DIP2C: variants seen among roughly 807,000 people sequenced by gnomAD.
DIP2C encodes the protein DIP2 acetate--CoA ligase C (putative).
In DIP2C, 33 loss-of-function variants were observed where a neutral mutation model predicts 192.4. The ratio of observed to expected loss-of-function variants is 0.17; its 90% confidence interval spans 0.13 to 0.23. The LOEUF is 0.23. DIP2C is among the 10% of genes least tolerant of loss of function. The pLI is 1.00. For synonymous variants in DIP2C, 979 were observed against 864.1 expected, an observed-to-expected ratio of 1.13 and a Z score of -2.33; for missense variants, 1,537 against 2,110.1, an observed-to-expected ratio of 0.73 and a Z score of 5.32.
intron 7 of DIP2C, 131 bp from the exon 8 acceptor site, chr10:414,241 C>T: frequency 8.6e-7 from 1 of 1,156,352 alleles, no homozygotes; most frequent in Non-Finnish European, 1.2e-6. Context: ...GAAAAGCATG[C>T]TTTTCTAGAA....
chr10:275,222 A>G lies in DIP2C; in HGVS notation c.*2103T>C, dbSNP rs1954452754. The G allele has an allele frequency of 6.6e-6, 1 of 152,244 alleles. No individual in the cohort carries two copies. The highest frequency in any genetic ancestry group is 1.5e-5 in the Non-Finnish European group (1 of 68,054). 9.4% of individuals were successfully genotyped at this position (152,244 alleles called of 1,614,324 possible). On this transcript the variant is annotated 3_prime_UTR_variant, in exon 37 of 37. Coordinates refer to ENST00000280886, the MANE Select transcript of DIP2C (RefSeq NM_014974.3). ...ACACTGCAGCTAATGTTTCATAGTCAGTGCCTGGCCTGAAGCCCCAAACCT... is the reference window on the plus strand; with the variant it reads ...ACACTGCAGCTAATGTTTCATAGTCGGTGCCTGGCCTGAAGCCCCAAACCT...
In DIP2C at chr10:283,426, G is replaced by C; in HGVS notation, c.4140C>G (p.His1380Gln). The C allele has an allele frequency of 6.2e-7, 1 of 1,614,198 alleles. No individual in the cohort carries two copies. Among genetic ancestry groups the C allele is most frequent in the Non-Finnish European group, 8.5e-7 (1 of 1,180,036 alleles). The change falls in exon 35 of 37, where the codon CAC becomes CAG. Residue 1380 changes from histidine to glutamine, a missense_variant. His to Gln is a conservative substitution (Grantham distance 24, BLOSUM62 0). Around this residue, in one of 4 missense-constraint regions of DIP2C, gnomAD observed 341 missense variants for 551.7 expected, o/e 0.62. Transcript: ENST00000280886. Reference sequence around the variant, plus strand: ...AAATAGTGAAATAACCGCTGGCATTGTGGGCACTGTGAACCCAAATCTGCA... The same window carrying C: ...AAATAGTGAAATAACCGCTGGCATTCTGGGCACTGTGAACCCAAATCTGCA... ...HLGEIWVHSA[H>Q]NASGYFTIYG...
intron 9 of DIP2C, among the ~76,000 whole-genome samples, chr10:407,990 G>A (rs1157381877): frequency 6.6e-6 from 1 of 152,122 alleles, no homozygotes; most frequent in Non-Finnish European, 1.5e-5. Context: ...CCAAGAAACT[G>A]TTGCCAAATC....
At chr10:680,647 A>C (rs1015591113) in intron 1 of DIP2C, among the ~76,000 whole-genome samples, 1 of 152,216 alleles carries the variant, frequency 6.6e-6, no homozygotes, top group Non-Finnish European at 1.5e-5. Flanking sequence ...ATCAGGGGAG[A>C]TCCACACCAT....
intron 2 of DIP2C, among the ~76,000 whole-genome samples, chr10:476,275 T>C (rs1271154420): frequency 1.3e-5 from 2 of 152,176 alleles, no homozygotes; most frequent in African/African-American, 4.8e-5. Context: ...CTATCATGCA[T>C]TGGCCACGTG....
intron 17 of DIP2C, 140 bp from the exon 18 acceptor site, chr10:369,773 G>A (rs767484898): frequency 6.9e-7 from 1 of 1,455,814 alleles, no homozygotes; most frequent in South Asian, 1.2e-5. Flanking sequence ...GGCTGCCCAT[G>A]TGGCTGCATT....
At chr10:676,169 C>G (rs1830869135) in intron 1 of DIP2C, among the ~76,000 whole-genome samples, 1 of 152,146 alleles carries the variant, frequency 6.6e-6, no homozygotes, top group Admixed American at 6.5e-5. Context: ...GCCATAGGAT[C>G]ATTTCAATAG....
At chr10:395,089 C>G (rs548395179) in intron 10 of DIP2C, among the ~76,000 whole-genome samples, 1 of 108,514 alleles carries the variant, frequency 9.2e-6, no homozygotes, top group Non-Finnish European at 1.8e-5. Flanking sequence ...ATGGTGACCA[C>G]GAGGGCTGGG....
chr10:406,170 CTT>C (rs763934291), intron 9 of DIP2C, among the ~76,000 whole-genome samples: 5 of 152,224 alleles, frequency 3.3e-5, no homozygotes, highest in South Asian at 2.1e-4. Context: ...TAAAACAACT[CTT>C]AAGACTACAA....
At chr10:484,651 C>T in intron 2 of DIP2C, 8 of 1,307,490 alleles carry the variant, frequency 6.1e-6, no homozygotes, top group South Asian at 1.5e-5. Flanking sequence ...CGACCTGGCT[C>T]ACTGGAGAAT....
At position 670,347 on chromosome 10, in the gene DIP2C, CACAT is replaced by C. The variant is rs202052274; in HGVS notation, c.85+19143_85+19146del. Among the ~76,000 whole-genome samples, 950 of 152,276 alleles carry C rather than the reference CACAT, an allele frequency of 6.2e-3. 6 individuals carry two copies. The highest frequency in any genetic ancestry group is 0.021 in the African/African-American group (854 of 41,556). ...ACATGCACATGCGCACGCGTACATG[CACAT>C]ACATACACATACACACATGCACACA... On this transcript the variant is annotated intron_variant, in intron 1 of 36. Coordinates refer to ENST00000280886, the MANE Select transcript of DIP2C (RefSeq NM_014974.3).
chr10:491,694 G>A (rs1362330664), intron 1 of DIP2C, among the ~76,000 whole-genome samples: 2 of 152,222 alleles, frequency 1.3e-5, no homozygotes, highest in Non-Finnish European at 2.9e-5. Flanking sequence ...CAGATGGAGA[G>A]ATCAAACACA....
chr10:552,373 G>A (rs560937863), intron 1 of DIP2C, among the ~76,000 whole-genome samples: 1 of 152,332 alleles, frequency 6.6e-6, no homozygotes, highest in Admixed American at 6.5e-5. Context: ...TAGAAACAGA[G>A]TGAAGTCCCT....
At chr10:581,419 T>C (rs1457389663) in intron 1 of DIP2C, among the ~76,000 whole-genome samples, 2 of 152,196 alleles carry the variant, frequency 1.3e-5, no homozygotes, top group Admixed American at 6.5e-5. Context: ...TTACTTAACA[T>C]GTTAAGCTGT....
intron 1 of DIP2C, among the ~76,000 whole-genome samples, chr10:643,225 A>AACAAAAAC (rs1855290628): frequency 6.7e-6 from 1 of 149,920 alleles, no homozygotes; most frequent in Admixed American, 6.6e-5. Context: ...CTCAAAAAAA[A>AACAAAAAC]AAAAACAGGC....
rs1465601994 is a variant in DIP2C, at chr10:532,654, A to T, written c.86-46124T>A. ...GTGTGAGAGAGAGTATGGGTGTGAG[A>T]GAGAGTATGGGTGTGAGAGAGAGTA... On this transcript the variant is annotated intron_variant, in intron 1 of 36. Transcript: ENST00000280886. 5.7e-4 allele frequency among the ~76,000 whole-genome samples: 57 copies of T among 99,328 alleles called. 3 individuals carry two copies. The highest frequency in any genetic ancestry group is 9.3e-4 in the Non-Finnish European group (47 of 50,284). The allele number at this position is 99,328 out of a possible 152,430, so 65.2% of individuals were successfully genotyped here.
At position 341,179 on chromosome 10, in the gene DIP2C, GAT is replaced by G. The variant is rs761801243; in HGVS notation, c.3584+18_3584+19del. Reference sequence around the variant, plus strand: ...GGTGCATGATTTTTTTTAATGTAAAGATATAGAGAGGCATCTTACCTGCAGAG... The same window carrying G: ...GGTGCATGATTTTTTTTAATGTAAAGATAGAGAGGCATCTTACCTGCAGAG... On this transcript the variant is annotated intron_variant, in intron 29 of 36. Transcript: ENST00000280886. 1 of 1,613,980 alleles carries G rather than the reference GAT, an allele frequency of 6.2e-7. No homozygotes were observed. Among genetic ancestry groups the G allele is most frequent in the Non-Finnish European group, 8.5e-7 (1 of 1,179,962 alleles).
intron 1 of DIP2C, among the ~76,000 whole-genome samples, chr10:610,571 G>T (rs116805310): frequency 1.2e-4 from 19 of 152,356 alleles, no homozygotes; most frequent in African/African-American, 4.6e-4. Flanking sequence ...CATATATTAT[G>T]TATCAACAAA....
chr10:617,710 G>A (rs989454208), intron 1 of DIP2C, among the ~76,000 whole-genome samples: 4 of 146,548 alleles, frequency 2.7e-5, no homozygotes, highest in Non-Finnish European at 4.4e-5. Context: ...TCCGAAGGAG[G>A]CTGAGAAACC....
Sources: gnomAD v4.1 joint callset for allele counts (sites outside exome capture counted in the v4.1 genomes callset) on GRCh38, gnomAD v4.1.1 for gene constraint, gnomAD v4.1.1 regional missense constraint, MANE v1.5 for transcripts, NCBI Gene and HGNC (gene_info 2026-07-23, HGNC 2026-07-21) for gene names.